MLLT6: variants seen among roughly 807,000 people sequenced by gnomAD.
The protein encoded by MLLT6 is protein AF-17.
A neutral mutation model predicts 103.0 loss-of-function variants in MLLT6; 22 were observed. That is an observed-to-expected ratio of 0.21 (90% CI 0.15 to 0.31). MLLT6 has a LOEUF of 0.31. Among genes scored for constraint, MLLT6 ranks in the 10% least tolerant of loss-of-function variants. The pLI, the probability that MLLT6 is intolerant of heterozygous loss-of-function variation, is 1.00. For missense variants in MLLT6, 1,199 were observed against 1,441.7 expected, an observed-to-expected ratio of 0.83 and a Z score of 2.73; for synonymous variants, 606 against 623.5, an observed-to-expected ratio of 0.97 and a Z score of 0.42.
intron 7 of MLLT6, 152 bp from the exon 8 acceptor site, chr17:38,712,539 T>G (rs1418919047): frequency 1.6e-6 from 1 of 618,450 alleles, no homozygotes; most frequent in Non-Finnish European, 2.9e-6. Context: ...GAATCGCTCC[T>G]GCCCAGCCCA....
chr17:38,722,169 G>T lies in MLLT6; in HGVS notation c.2734G>T (p.Ala912Ser). Reference sequence around the variant, plus strand: ...GAATGGGGCCGCTGCCCCCAACCCCGCAAGCTTGAGCCAGGCTGGCGGGGC... The same window carrying T: ...GAATGGGGCCGCTGCCCCCAACCCCTCAAGCTTGAGCCAGGCTGGCGGGGC... Reference protein sequence around the residue: ...GLNGAAAPNPASLSQAGGAPT... With the variant: ...GLNGAAAPNPSSLSQAGGAPT... The change falls in exon 17 of 20, where the codon GCA (alanine) becomes TCA (serine). Residue 912 changes from alanine (A) to serine (S), a missense_variant. Coordinates refer to ENST00000621332, the MANE Select transcript of MLLT6 (RefSeq NM_005937.4). 1 of 1,368,554 alleles carries T rather than the reference G, an allele frequency of 7.3e-7. No homozygotes were observed. Among genetic ancestry groups the T allele is most frequent in the Non-Finnish European group, 9.4e-7 (1 of 1,066,040 alleles). The allele number at this position is 1,368,554 out of a possible 1,614,324, so 84.8% of individuals were successfully genotyped here.
chr17:38,723,812 G>A (rs1007864085), intron 18 of MLLT6, among the ~76,000 whole-genome samples: 5 of 149,810 alleles, frequency 3.3e-5, no homozygotes, highest in African/African-American at 9.9e-5. Context: ...GCATGATATC[G>A]GCTCACTGCA....
rs1474970291 is a variant in MLLT6, at chr17:38,725,663, G to A, written c.*65G>A. 14 of 1,393,622 alleles carry A rather than the reference G, an allele frequency of 1.0e-5. No homozygotes were observed. Among genetic ancestry groups the A allele is most frequent in the Non-Finnish European group, 9.8e-6 (10 of 1,020,522 alleles). 86.3% of individuals were successfully genotyped at this position (1,393,622 alleles called of 1,614,324 possible). A position where few individuals can be genotyped will look rare whatever the true frequency, so the allele number is the denominator to read the frequency against. ...ACAGATCCTGGCCTGAGGGGTCCTA[G>A]CCTGGAGCAGGCGCCTGCGCCCAGA... On this transcript the variant is annotated 3_prime_UTR_variant, in exon 20 of 20. Transcript: ENST00000621332.
chr17:38,705,958 C>T (rs1193765032), intron 1 of MLLT6: 1 of 238,128 alleles, frequency 4.2e-6, no homozygotes, highest in African/African-American at 2.3e-5. Flanking sequence ...CGCCCCCCAC[C>T]CTAAGTTGAG....
chr17:38,720,300 G>GGCC, intron 14 of MLLT6, 72 bp from the exon 15 acceptor site: 14 of 726,364 alleles, frequency 1.9e-5, no homozygotes, highest in East Asian at 3.0e-5. Flanking sequence ...TCCCCTCCAG[G>GGCC]CCCCGCCCCC....
At chr17:38,721,157 T>G in intron 16 of MLLT6, 1 of 221,232 alleles carries the variant, frequency 4.5e-6, no homozygotes. Context: ...CACAAAATAA[T>G]TCCTGTGTAA....
In MLLT6 at chr17:38,725,648, G is replaced by T. The variant is rs1294921629; in HGVS notation, c.*50G>T. 7.4e-6 allele frequency: 11 copies of T among 1,483,230 alleles called. No homozygotes were observed. The highest frequency in any genetic ancestry group is 1.5e-5 in the African/African-American group (1 of 68,598). 91.9% of individuals were successfully genotyped at this position (1,483,230 alleles called of 1,614,324 possible). On this transcript the variant is annotated 3_prime_UTR_variant, in exon 20 of 20. Transcript: ENST00000621332. ...CCCCAAGTGGAGGGAACAGATCCTG[G>T]CCTGAGGGGTCCTAGCCTGGAGCAG...
At position 38,722,698 on chromosome 17, in the gene MLLT6, A is replaced by G; in HGVS notation, c.2813A>G (p.His938Arg). Residue 938 changes from histidine (H) to arginine (R), a missense_variant, in exon 18 of 20, where the codon CAT (histidine) becomes CGT (arginine). Physicochemically the swap from His to Arg is conservative, Grantham distance 29. This residue lies in a region of MLLT6 where 1,034 missense variants were observed against 1,091.5 expected (regional missense o/e 0.95). Coordinates refer to ENST00000621332, the MANE Select transcript of MLLT6 (RefSeq NM_005937.4). ...CTCAGCCTTACAGAGCAGCAGAGAC[A>G]TCTCCTTCAGCAGCAAGAGCAGCAG... The part of the protein sequence containing the change: ...CLNSLTEQQR[H>R]LLQQQEQQLQ... The G allele has an allele frequency of 7.5e-7, 1 of 1,340,352 alleles. No homozygotes were observed. Among genetic ancestry groups the G allele is most frequent in the Non-Finnish European group, 1.0e-6 (1 of 1,004,920 alleles). 83.0% of individuals were successfully genotyped at this position (1,340,352 alleles called of 1,614,324 possible).
Position 38,715,776 on chromosome 17 carries a change from C to T in MLLT6, c.984C>T (p.Ser328=), listed in dbSNP as rs1461281755. ...GKGVSSFTSA[S]SSSSSSSSSS... ...GTGTGAGCAGTTTTACCTCCGCCTC[C>T]TCTTCTTCCTCCTCCTCTTCCTCCT... is the stretch of plus-strand genomic sequence containing the variant. The change falls in exon 9 of 20, where the codon TCC becomes TCT. Residue 328 remains serine, a synonymous_variant. Coordinates refer to ENST00000621332, the MANE Select transcript of MLLT6 (RefSeq NM_005937.4). 6.2e-7 allele frequency: 1 copy of T among 1,612,224 alleles called. No homozygotes were observed. Among genetic ancestry groups the T allele is most frequent in the African/African-American group, 1.3e-5 (1 of 74,910 alleles).
chr17:38,711,660 C>G (rs1419130884), intron 6 of MLLT6, among the ~76,000 whole-genome samples, 187 bp from the exon 7 acceptor site: 2 of 152,144 alleles, frequency 1.3e-5, no homozygotes, highest in African/African-American at 2.4e-5. Context: ...AGCTGGAACA[C>G]TCTAGGATTT....
intron 2 of MLLT6, 25 bp downstream of exon 2, chr17:38,707,054 A>G: frequency 6.3e-7 from 1 of 1,589,114 alleles, no homozygotes. Flanking sequence ...GCCCCTCTCC[A>G]CTCCCCTGCC....
At position 38,722,683 on chromosome 17, in the gene MLLT6, C is replaced by A; in HGVS notation, c.2798C>A (p.Thr933Lys). Residue 933 changes from threonine (T) to lysine (K), a missense_variant, in exon 18 of 20, where the codon ACA (threonine) becomes AAA (lysine). Thr to Lys is a moderately conservative substitution (Grantham distance 78). Coordinates refer to ENST00000621332, the MANE Select transcript of MLLT6 (RefSeq NM_005937.4). ...LQLPGCLNSLTEQQRHLLQQQ... is the reference protein window; with the variant it reads ...LQLPGCLNSLKEQQRHLLQQQ... ...ACCCCCCACCCCCACCTCAGCCTTA[C>A]AGAGCAGCAGAGACATCTCCTTCAG... is the stretch of plus-strand genomic sequence containing the variant. The A allele has an allele frequency of 1.0e-6, 1 of 1,002,818 alleles. No individual in the cohort carries two copies. The highest frequency in any genetic ancestry group is 1.4e-6 in the Non-Finnish European group (1 of 701,022). 62.1% of individuals were successfully genotyped at this position (1,002,818 alleles called of 1,614,324 possible).
Position 38,725,533 on chromosome 17 carries a change from C to T in MLLT6, c.3241-24C>T, listed in dbSNP as rs187939906. On this transcript the variant is annotated intron_variant, in intron 19 of 19. Coordinates refer to ENST00000621332, the MANE Select transcript of MLLT6 (RefSeq NM_005937.4). ...TAGGACCTGACACTTTCCACACCCC[C>T]GGCCTCCCTCCCTCTCTTTCCAGAC... The T allele has an allele frequency of 2.1e-5, 33 of 1,605,848 alleles. No individual in the cohort carries two copies. The East Asian group carries it at 3.4e-4, about 17-fold the overall frequency.
chr17:38,717,945 G>A lies in MLLT6; in HGVS notation c.1934G>A (p.Ser645Asn), dbSNP rs756627173. 6.2e-7 allele frequency: 1 copy of A among 1,605,162 alleles called. No individual in the cohort carries two copies. Among genetic ancestry groups the A allele is most frequent in the East Asian group, 2.2e-5 (1 of 44,808 alleles). The change falls in exon 12 of 20, where the codon AGC becomes AAC. Residue 645 changes from serine to asparagine, a missense_variant. Around this residue, in one of 7 missense-constraint regions of MLLT6, gnomAD observed 1,034 missense variants for 1,091.5 expected, o/e 0.95. Transcript: ENST00000621332. The stretch of plus-strand genomic sequence containing the variant: ...CCCCTCCTCTCCCAAGCTGAGAGCA[G>A]CCACACAGGTATGTGAATATCTGAT... ...VNPLLSQAES[S>N]HTEPDLEDCS... is the part of the protein sequence containing the mutation.
rs1906183040 is a variant in MLLT6 at position 38,729,023 on chromosome 17, G to C, written c.*3425G>C. ...CCCCTGCCTGTTTCCCCCATACTGA[G>C]TTCTAGGGAGGTGCTCACCCCAGAC... On this transcript the variant is annotated 3_prime_UTR_variant, in exon 20 of 20. Transcript: ENST00000621332. 1 of 233,546 alleles carries C rather than the reference G, an allele frequency of 4.3e-6. No individual in the cohort carries two copies. Among genetic ancestry groups the C allele is most frequent in the Non-Finnish European group, 8.5e-6 (1 of 118,088 alleles). The allele number at this position is 233,546 out of a possible 1,614,324, so 14.5% of individuals were successfully genotyped here. A position where few individuals can be genotyped will look rare whatever the true frequency, so the allele number is the denominator to read the frequency against.
chr17:38,707,380 C>T (rs1307117228), intron 2 of MLLT6, 106 bp from the exon 3 acceptor site: 1 of 1,022,822 alleles, frequency 9.8e-7, no homozygotes, highest in African/African-American at 1.6e-5. Flanking sequence ...GTAGCCCCAT[C>T]CATCCACCCT....
intron 4 of MLLT6, 91 bp downstream of exon 4, chr17:38,707,963 C>A: frequency 1.2e-6 from 1 of 860,154 alleles, no homozygotes; most frequent in Admixed American, 2.1e-5. Context: ...TTGATTCTGT[C>A]CAACGAGCAC....
At position 38,729,282 on chromosome 17, in the gene MLLT6, A is replaced by G. The variant is rs1168955332; in HGVS notation, c.*3684A>G. 4.3e-6 allele frequency: 1 copy of G among 233,166 alleles called. No homozygotes were observed. The highest frequency in any genetic ancestry group is 2.2e-5 in the African/African-American group (1 of 45,350). The allele number at this position is 233,166 out of a possible 1,614,324, so 14.4% of individuals were successfully genotyped here. ...CTTATTTTCCTGGGGAGAGGTGCCTAGAGGGATTGAGGTAACTTCAACTGG... is the reference window on the plus strand; with the variant it reads ...CTTATTTTCCTGGGGAGAGGTGCCTGGAGGGATTGAGGTAACTTCAACTGG... On this transcript the variant is annotated 3_prime_UTR_variant, in exon 20 of 20. Coordinates refer to ENST00000621332, the MANE Select transcript of MLLT6 (RefSeq NM_005937.4).
At chr17:38,717,776 A>G in intron 11 of MLLT6, 69 bp from the exon 12 acceptor site, 1 of 1,429,848 alleles carries the variant, frequency 7.0e-7, no homozygotes, top group Non-Finnish European at 9.8e-7. Flanking sequence ...GGCCCCCTGC[A>G]CCCCGGTACA....
Sources: gnomAD v4.1 joint callset for allele counts (sites outside exome capture counted in the v4.1 genomes callset) on GRCh38, gnomAD v4.1.1 for gene constraint, gnomAD v4.1.1 regional missense constraint, MANE v1.5 for transcripts, NCBI Gene and HGNC (gene_info 2026-07-23, HGNC 2026-07-21) for gene names.